The following CKAP2L variants were observed in gnomAD, a reference collection of about 807,000 sequenced individuals.
CKAP2L encodes the protein cytoskeleton-associated protein 2-like.
A neutral mutation model predicts 65.7 loss-of-function variants in CKAP2L; 42 were observed. The ratio of observed to expected loss-of-function variants is 0.64; its 90% CI spans 0.50 to 0.83. The LOEUF is 0.83. Ranked by LOEUF, CKAP2L falls within the 40% of genes least tolerant of loss-of-function variation. The pLI is 0.00. For missense variants in CKAP2L, 908 were observed against 871.0 expected, an observed-to-expected ratio of 1.04 and a Z score of -0.53; for synonymous variants, 325 against 313.5, an observed-to-expected ratio of 1.04 and a Z score of -0.39.
At chr2:112,748,369 G>A (rs925337329) in intron 5 of CKAP2L, among the ~76,000 whole-genome samples, 9 of 152,192 alleles carry the variant, frequency 5.9e-5, no homozygotes, top group African/African-American at 2.2e-4. Context: ...ATGCAAGAAA[G>A]AAAATGAAGC....
chr2:112,741,553 G>C (rs879266989), intron 7 of CKAP2L, among the ~76,000 whole-genome samples: 40 of 152,224 alleles, frequency 2.6e-4, no homozygotes, highest in Admixed American at 2.4e-3. Flanking sequence ...TGTGGCTAGA[G>C]GCTGACACCC....
chr2:112,763,549 G>T (rs1680797174), intron 1 of CKAP2L, among the ~76,000 whole-genome samples: 2 of 152,052 alleles, frequency 1.3e-5, no homozygotes, highest in Non-Finnish European at 2.9e-5. Context: ...AACAATTACA[G>T]TATAAGGTAA....
In CKAP2L at chr2:112,752,296, G is replaced by C. The variant is rs754317985; in HGVS notation, c.1573C>G (p.Leu525Val). 1.2e-6 allele frequency: 2 copies of C among 1,613,912 alleles called. No individual in the cohort carries two copies. The highest frequency in any genetic ancestry group is 1.7e-5 in the Admixed American group (1 of 60,006). The change falls in exon 5 of 9, where the codon CTG becomes GTG. Residue 525 changes from leucine (L) to valine (V), a missense_variant. Transcript: ENST00000302450. ...TCGATGAGGTTCAGACATTCTGTCAGAGTGTTGTTAATTTTACTGGACAGT... is the reference window on the plus strand; with the variant it reads ...TCGATGAGGTTCAGACATTCTGTCACAGTGTTGTTAATTTTACTGGACAGT... ...LELSSKINNT[L>V]TECLNLIEGG...
chr2:112,744,118 T>C (rs1680123129), intron 6 of CKAP2L, among the ~76,000 whole-genome samples: 1 of 152,232 alleles, frequency 6.6e-6, no homozygotes, highest in Non-Finnish European at 1.5e-5. Context: ...CTATACAACA[T>C]TCATCAAGCA....
At chr2:112,763,036 T>C (rs1259392529) in intron 1 of CKAP2L, among the ~76,000 whole-genome samples, 1 of 152,220 alleles carries the variant, frequency 6.6e-6, no homozygotes, top group African/African-American at 2.4e-5. Flanking sequence ...CCCTCCTGCT[T>C]TGGCCTCCCA....
chr2:112,764,266 G>A, intron 1 of CKAP2L: 1 of 492,336 alleles, frequency 2.0e-6, no homozygotes, highest in Non-Finnish European at 3.7e-6. Flanking sequence ...CCGAGCAAGG[G>A]GCCTCAGTTT....
chr2:112,743,713 C>G (rs975928482), intron 6 of CKAP2L, among the ~76,000 whole-genome samples: 4 of 152,200 alleles, frequency 2.6e-5, no homozygotes, highest in Non-Finnish European at 5.9e-5. Flanking sequence ...GCTGAGATTA[C>G]AGGGGTAAGC....
At chr2:112,742,797 A>T in intron 6 of CKAP2L, 28 bp from the exon 7 acceptor site, 1 of 1,556,544 alleles carries the variant, frequency 6.4e-7, no homozygotes, top group Non-Finnish European at 8.7e-7. Flanking sequence ...AACATACAAA[A>T]TCTTAAAAAC....
chr2:112,752,311 T>G lies in CKAP2L; in HGVS notation c.1558A>C (p.Lys520Gln). The G allele has an allele frequency of 6.2e-7, 1 of 1,614,068 alleles. No homozygotes were observed. The highest frequency in any genetic ancestry group is 8.5e-7 in the Non-Finnish European group (1 of 1,179,946). The change falls in exon 5 of 9, where the codon AAA becomes CAA. Residue 520 changes from lysine (K) to glutamine (Q), a missense_variant. Transcript: ENST00000302450. ...EKKAQLELSS[K>Q]INNTLTECLN... Reference sequence around the variant, plus strand: ...CATTCTGTCAGAGTGTTGTTAATTTTACTGGACAGTTCGAGTTGTGCTTTC... The same window carrying G: ...CATTCTGTCAGAGTGTTGTTAATTTGACTGGACAGTTCGAGTTGTGCTTTC...
intron 5 of CKAP2L, among the ~76,000 whole-genome samples, chr2:112,747,327 T>C (rs1680232332): frequency 6.7e-6 from 1 of 149,836 alleles, no homozygotes. Flanking sequence ...AGGTAAGAAA[T>C]ATGTTCATTT....
intron 5 of CKAP2L, among the ~76,000 whole-genome samples, chr2:112,750,675 G>A (rs1391771737): frequency 3.9e-5 from 6 of 151,948 alleles, no homozygotes; most frequent in Admixed American, 3.9e-4. Flanking sequence ...CATTCTTTCT[G>A]TGGTTTGTTT....
chr2:112,759,473 T>C (rs1225421586), intron 3 of CKAP2L, among the ~76,000 whole-genome samples: 3 of 152,190 alleles, frequency 2.0e-5, no homozygotes, highest in African/African-American at 7.2e-5. Flanking sequence ...CTTTTTACTT[T>C]TACAACTGTG....
intron 2 of CKAP2L, 43 bp downstream of exon 2, chr2:112,762,460 A>C: frequency 6.7e-7 from 1 of 1,497,160 alleles, no homozygotes; most frequent in African/African-American, 1.4e-5. Context: ...GCTAGTACAA[A>C]GAAGGCAACA....
chr2:112,741,182 G>A (rs563129688), intron 7 of CKAP2L, among the ~76,000 whole-genome samples, 175 bp from the exon 8 acceptor site: 2 of 152,050 alleles, frequency 1.3e-5, no homozygotes, highest in East Asian at 3.9e-4. Flanking sequence ...TTCACGTTAA[G>A]CTCTGTAGCA....
intron 4 of CKAP2L, among the ~76,000 whole-genome samples, chr2:112,754,199 C>G (rs1175946628): frequency 6.6e-6 from 1 of 152,164 alleles, no homozygotes; most frequent in Non-Finnish European, 1.5e-5. Context: ...CAGTCTCACC[C>G]CTAACGCCCC....
chr2:112,742,241 G>A (rs547117799), intron 7 of CKAP2L, among the ~76,000 whole-genome samples: 1 of 152,286 alleles, frequency 6.6e-6, no homozygotes, highest in East Asian at 1.9e-4. Flanking sequence ...CACAATATAT[G>A]TCTCATAGAA....
intron 4 of CKAP2L, among the ~76,000 whole-genome samples, chr2:112,754,209 C>G (rs547019357): frequency 1.4e-4 from 22 of 152,302 alleles, no homozygotes; most frequent in African/African-American, 5.1e-4. Context: ...CCTAACGCCC[C>G]CCTCCTGGCA....
chr2:112,752,078 C>T (rs1680387009), intron 5 of CKAP2L, among the ~76,000 whole-genome samples, 189 bp downstream of exon 5: 1 of 152,142 alleles, frequency 6.6e-6, no homozygotes, highest in South Asian at 2.1e-4. Context: ...TAGCTAAGTG[C>T]TTATAAAAGC....
chr2:112,764,247 G>A (rs1359970242), intron 1 of CKAP2L: 3 of 445,144 alleles, frequency 6.7e-6, no homozygotes, highest in Admixed American at 7.5e-5. Flanking sequence ...TCCCACTGCT[G>A]GTGAAAACCC....
Sources: allele counts gnomAD v4.1 joint callset (sites outside exome capture counted in the v4.1 genomes callset), GRCh38; gene constraint gnomAD v4.1.1; transcripts MANE v1.5; gene names NCBI Gene and HGNC (gene_info 2026-07-23, HGNC 2026-07-21).